Variants in POLR1A observed in about 807,000 individuals in gnomAD.
The protein encoded by POLR1A is DNA-directed RNA polymerase I subunit RPA1.
A neutral mutation model predicts 205.3 loss-of-function variants in POLR1A; 84 were observed. That is an observed-to-expected ratio of 0.41 (90% CI 0.34 to 0.49). POLR1A has a LOEUF of 0.49. Among genes scored for constraint, POLR1A ranks in the 20% least tolerant of loss-of-function variants. POLR1A has a pLI of 0.22. For synonymous variants in POLR1A, 799 were observed against 863.7 expected, an observed-to-expected ratio of 0.93 and a Z score of 1.31; for missense variants, 1,645 against 2,204.5, an observed-to-expected ratio of 0.75 and a Z score of 5.08.
chr2:86,031,283 C>T lies in POLR1A; in HGVS notation c.4578+47G>A, dbSNP rs748235489. 4.6e-6 allele frequency: 7 copies of T among 1,508,586 alleles called. No individual in the cohort carries two copies. In the South Asian group the frequency reaches 6.7e-5, roughly 14 times the overall value. 93.5% of individuals were successfully genotyped at this position (1,508,586 alleles called of 1,614,324 possible). On this transcript the variant is annotated intron_variant, in intron 30 of 33. Transcript: ENST00000263857. ...AGGCCCCTTCCACAGAGGGATTTGG[C>T]CAGCTGGACCAACCACCCAAGCCCT...
rs1476382740 is a variant in POLR1A at position 86,028,773 on chromosome 2, G to GT, written c.4780-63dup. On this transcript the variant is annotated intron_variant, in intron 31 of 33. Transcript: ENST00000263857. This position sits in a 1 kb window ranked among gnomAD's most constrained non-coding sequence, Gnocchi z 4.5. ...TGGCCTTCTGCTCCCTTCTGCCTGC[G>GT]TATCTCCCCCTGGCCGCTCTCTCTC... is the stretch of plus-strand genomic sequence containing the variant. The GT allele has an allele frequency of 4.9e-6, 6 of 1,222,642 alleles. No homozygotes were observed. Among genetic ancestry groups the GT allele is most frequent in the African/African-American group, 1.5e-5 (1 of 67,084 alleles). 75.7% of individuals were successfully genotyped at this position (1,222,642 alleles called of 1,614,324 possible).
At chr2:86,038,247 CCACCCGCA>C (rs1672533917) in intron 27 of POLR1A, among the ~76,000 whole-genome samples, 1 of 152,212 alleles carries the variant, frequency 6.6e-6, no homozygotes, top group South Asian at 2.1e-4. Flanking sequence ...CAGCAGCGTG[CCACCCGCA>C]CATTGTTCAT....
rs955638670 is a variant in POLR1A, at chr2:86,026,727, C to G, written c.*696G>C. The G allele has an allele frequency of 6.5e-6, 1 of 152,690 alleles. No individual in the cohort carries two copies. 9.5% of individuals were successfully genotyped at this position (152,690 alleles called of 1,614,324 possible). Reference sequence around the variant, plus strand: ...GGAGTGAACTGCTGCGGCCCTGGAGCGACTGCTCCCAGCCTTGGGGCTGAT... The same window carrying G: ...GGAGTGAACTGCTGCGGCCCTGGAGGGACTGCTCCCAGCCTTGGGGCTGAT... On this transcript the variant is annotated 3_prime_UTR_variant, in exon 34 of 34. Transcript: ENST00000263857.
intron 15 of POLR1A, 93 bp downstream of exon 15, chr2:86,054,047 T>C: frequency 7.9e-7 from 1 of 1,264,514 alleles, no homozygotes; most frequent in Non-Finnish European, 1.1e-6. Flanking sequence ...TACCTGCTTC[T>C]GTGAATGTGC....
chr2:86,062,309 T>A (rs1378007943), intron 14 of POLR1A, among the ~76,000 whole-genome samples: 5 of 152,208 alleles, frequency 3.3e-5, no homozygotes, highest in African/African-American at 1.2e-4. Context: ...CTGGGCCTAT[T>A]TCCCAATTTT....
At chr2:86,045,232 A>G in intron 21 of POLR1A, 46 bp downstream of exon 21, 1 of 1,148,836 alleles carries the variant, frequency 8.7e-7, no homozygotes, top group East Asian at 2.4e-5. Flanking sequence ...GATGGCAGGA[A>G]GGGCCCTGGC....
At chr2:86,088,933 T>TC in intron 4 of POLR1A, 63 bp from the exon 5 acceptor site, 1 of 1,190,668 alleles carries the variant, frequency 8.4e-7, no homozygotes. Context: ...CCAATATATT[T>TC]ACTTTATGGT....
intron 27 of POLR1A, chr2:86,037,067 A>G (rs13404362): frequency 0.052 from 7,899 of 152,322 alleles, 675 homozygotes; most frequent in African/African-American, 0.18. Context: ...AGGCCATGAA[A>G]TCTGAATTCC....
intron 3 of POLR1A, among the ~76,000 whole-genome samples, chr2:86,091,934 T>C (rs1055066547): frequency 1.3e-5 from 2 of 152,026 alleles, no homozygotes; most frequent in Non-Finnish European, 2.9e-5. Flanking sequence ...GCCAACATGG[T>C]GACACCCCAT....
rs574613379 is a variant in POLR1A at position 86,058,224 on chromosome 2, C to T, written c.2059-3935G>A. 4.1e-4 allele frequency among the ~76,000 whole-genome samples: 62 copies of T among 152,298 alleles called. 1 individual carries two copies. Among genetic ancestry groups the T allele is most frequent in the South Asian group, 2.1e-3 (10 of 4,824 alleles). On this transcript the variant is annotated intron_variant, in intron 14 of 33. Transcript: ENST00000263857. Reference sequence around the variant, plus strand: ...CAAGTGATTCTTTTGCCTCAACCTCCTGAGTAGCTGGGATTACAGGCATGT... The same window carrying T: ...CAAGTGATTCTTTTGCCTCAACCTCTTGAGTAGCTGGGATTACAGGCATGT...
In POLR1A at chr2:86,031,405, C is replaced by CCGG; in HGVS notation, c.4500_4502dup (p.Arg1501dup). ...GGTGGATCTCACGCACAGCCTGGAC[C>CCGG]CGGCGCTCCATGGCCTCGGGCCCCT... On this transcript the variant is annotated inframe_insertion, in exon 30 of 34. Transcript: ENST00000263857. The CCGG allele has an allele frequency of 1.9e-6, 3 of 1,612,872 alleles. No homozygotes were observed. The highest frequency in any genetic ancestry group is 2.5e-6 in the Non-Finnish European group (3 of 1,179,288).
chr2:86,104,029 C>T (rs1673871405), intron 1 of POLR1A, among the ~76,000 whole-genome samples: 1 of 152,176 alleles, frequency 6.6e-6, no homozygotes. Flanking sequence ...CTAAAATCAG[C>T]ATTGGTCTGA....
intron 6 of POLR1A, among the ~76,000 whole-genome samples, chr2:86,083,799 A>G (rs1673446739): frequency 6.6e-6 from 1 of 152,244 alleles, no homozygotes; most frequent in Non-Finnish European, 1.5e-5. Flanking sequence ...AGGTAAATAT[A>G]TACTGACTTC....
intron 31 of POLR1A, among the ~76,000 whole-genome samples, chr2:86,029,771 T>C (rs1020724005): frequency 6.8e-6 from 1 of 147,760 alleles, no homozygotes; most frequent in African/African-American, 2.6e-5. Context: ...TATTTTTTTT[T>C]TGTATTTTTT....
chr2:86,028,745 G>T lies in POLR1A; in HGVS notation c.4780-34C>A. The T allele has an allele frequency of 6.6e-7, 1 of 1,524,652 alleles. No homozygotes were observed. Among genetic ancestry groups the T allele is most frequent in the African/African-American group, 1.4e-5 (1 of 73,180 alleles). The allele number at this position is 1,524,652 out of a possible 1,614,324, so 94.4% of individuals were successfully genotyped here. On this transcript the variant is annotated intron_variant, in intron 31 of 33. Transcript: ENST00000263857. This position sits in a 1 kb window ranked among gnomAD's most constrained non-coding sequence, Gnocchi z 4.5. Reference sequence around the variant, plus strand: ...AGGAAGGAAGGGATTTATTTAGAGGGCCTGGCCTTCTGCTCCCTTCTGCCT... The same window carrying T: ...AGGAAGGAAGGGATTTATTTAGAGGTCCTGGCCTTCTGCTCCCTTCTGCCT...
intron 27 of POLR1A, among the ~76,000 whole-genome samples, chr2:86,036,605 T>C (rs898035381): frequency 6.6e-6 from 1 of 152,172 alleles, no homozygotes; most frequent in Admixed American, 6.5e-5. Flanking sequence ...TTCCTCCCAT[T>C]TCCTGTGGGC....
At chr2:86,035,780 G>GT (rs1192614452) in intron 27 of POLR1A, among the ~76,000 whole-genome samples, 1 of 152,218 alleles carries the variant, frequency 6.6e-6, no homozygotes, top group East Asian at 1.9e-4. Context: ...CTCAGCAGCT[G>GT]TAACTCCTCC....
At chr2:86,040,355 G>T (rs776560620) in intron 25 of POLR1A, 37 bp downstream of exon 25, 2 of 1,531,524 alleles carry the variant, frequency 1.3e-6, no homozygotes, top group Non-Finnish European at 1.8e-6. Context: ...GGAGAGGCTA[G>T]GACAGACCCC....
chr2:86,044,289 G>A lies in POLR1A; in HGVS notation c.2985C>T (p.His995=), dbSNP rs763274537. 1.9e-6 allele frequency: 3 copies of A among 1,614,162 alleles called. No individual in the cohort carries two copies. Among genetic ancestry groups the A allele is most frequent in the Non-Finnish European group, 2.5e-6 (3 of 1,180,014 alleles). The change falls in exon 22 of 34, where the codon CAC becomes CAT. Residue 995 remains histidine, a synonymous_variant. Coordinates refer to ENST00000263857, the MANE Select transcript of POLR1A (RefSeq NM_015425.6). ...SGYLQRCIIK[H]LEGLVVQYDL... ...CATACTGCACGACCAGCCCCTCTAG[G>A]TGCTTGATGATGCACCTGTAAGGAC...
Sources: gnomAD v4.1 joint callset for allele counts (sites outside exome capture counted in the v4.1 genomes callset) on GRCh38, gnomAD v4.1.1 for gene constraint, Gnocchi (gnomAD v3.1) non-coding constraint, MANE v1.5 for transcripts, NCBI Gene and HGNC (gene_info 2026-07-23, HGNC 2026-07-21) for gene names.